The following MARK1 variants were observed in gnomAD, a reference collection of about 807,000 sequenced individuals.
MARK1 encodes microtubule affinity regulating kinase 1.
Under a neutral mutation model 96.3 loss-of-function variants are expected in MARK1, and 40 were observed. That is an observed-to-expected ratio of 0.42 (90% CI 0.32 to 0.54). The LOEUF (loss-of-function observed/expected upper bound fraction) is 0.54, where lower values mean the gene tolerates loss of function less well. Ranked by LOEUF, MARK1 falls within the 20% of genes least tolerant of loss-of-function variation. MARK1 has a pLI of 0.16. For missense variants in MARK1, 719 were observed against 984.6 expected, an observed-to-expected ratio of 0.73 and a Z score of 3.61; for synonymous variants, 317 against 341.2, an observed-to-expected ratio of 0.93 and a Z score of 0.78.
intron 1 of MARK1, among the ~76,000 whole-genome samples, chr1:220,554,161 T>C (rs1662078811): frequency 1.3e-5 from 2 of 152,198 alleles, no homozygotes; most frequent in South Asian, 4.1e-4. Context: ...TGAATTTATG[T>C]GGGATGTATA....
chr1:220,626,316 G>GACCCACAGACTGGGTCAAGAC, intron 9 of MARK1: 1 of 547,044 alleles, frequency 1.8e-6, no homozygotes, highest in Middle Eastern at 4.0e-4. Context: ...ACTGGGTCAT[G>GACCCACAGACTGGGTCAAGAC]ACTATGTCTT....
chr1:220,655,312 G>C (rs1378128308), intron 16 of MARK1, among the ~76,000 whole-genome samples: 1 of 152,084 alleles, frequency 6.6e-6, no homozygotes, highest in Non-Finnish European at 1.5e-5. Context: ...CGTCCTGTAT[G>C]AACAACTCCT....
intron 14 of MARK1, 91 bp downstream of exon 14, chr1:220,650,811 A>T (rs1168395368): frequency 6.1e-6 from 5 of 815,698 alleles, no homozygotes; most frequent in Non-Finnish European, 1.0e-5. Flanking sequence ...GGGTCAGGAG[A>T]AAAGCAGTTA....
In MARK1 at chr1:220,631,084, T is replaced by C. The variant is rs1256414656; in HGVS notation, c.959T>C (p.Leu320Pro). 6.2e-7 allele frequency: 1 copy of C among 1,613,190 alleles called. No individual in the cohort carries two copies. Among genetic ancestry groups the C allele is most frequent in the Non-Finnish European group, 8.5e-7 (1 of 1,179,376 alleles). The change falls in exon 10 of 18, where the codon CTA becomes CCA. Residue 320 changes from leucine (L) to proline (P), a missense_variant. Physicochemically the swap from Leu to Pro is moderately conservative, Grantham distance 98. Transcript: ENST00000366917. ...WMNVGHEEEELKPYTEPDPDF... is the reference protein window; with the variant it reads ...WMNVGHEEEEPKPYTEPDPDF... ...AATGTTGGTCATGAAGAGGAAGAAC[T>C]AAAGCCATATACTGAGCCTGATCCG...
intron 1 of MARK1, among the ~76,000 whole-genome samples, chr1:220,542,352 C>T (rs1051564873): frequency 2.6e-5 from 4 of 152,160 alleles, no homozygotes; most frequent in African/African-American, 9.7e-5. Context: ...TTGATATCTG[C>T]TAATTCTCAT....
chr1:220,597,492 T>C (rs1249722510), intron 3 of MARK1, among the ~76,000 whole-genome samples: 1 of 152,204 alleles, frequency 6.6e-6, no homozygotes, highest in Non-Finnish European at 1.5e-5. Flanking sequence ...ATTAATAATG[T>C]TCAACATCTT....
chr1:220,628,384 A>C (rs971495830), intron 9 of MARK1, among the ~76,000 whole-genome samples: 1 of 151,836 alleles, frequency 6.6e-6, no homozygotes, highest in African/African-American at 2.4e-5. Context: ...TTCCTCACCA[A>C]TCCATTTACT....
chr1:220,634,711 A>G (rs757755827), intron 11 of MARK1, among the ~76,000 whole-genome samples: 16 of 152,194 alleles, frequency 1.1e-4, no homozygotes, highest in Admixed American at 6.5e-4. Context: ...CAGTGATTCC[A>G]ACAAAAGTTT....
At chr1:220,615,321 T>G (rs1013138761) in intron 6 of MARK1, among the ~76,000 whole-genome samples, 42 of 152,288 alleles carry the variant, frequency 2.8e-4, no homozygotes, top group African/African-American at 9.9e-4. Flanking sequence ...TTCACCTGAC[T>G]GAATTAGTGA....
chr1:220,621,434 G>A (rs1667046815), intron 9 of MARK1, among the ~76,000 whole-genome samples: 1 of 152,058 alleles, frequency 6.6e-6, no homozygotes, highest in African/African-American at 2.4e-5. Flanking sequence ...GCTTTTGAAT[G>A]TACCTATTCT....
intron 1 of MARK1, among the ~76,000 whole-genome samples, chr1:220,549,531 A>G (rs1349552580): frequency 6.6e-6 from 1 of 152,242 alleles, no homozygotes; most frequent in Non-Finnish European, 1.5e-5. Context: ...ACCAAGAAAA[A>G]GTATTACATT....
At chr1:220,631,276 T>C (rs1667667263) in intron 10 of MARK1, 142 bp downstream of exon 10, 1 of 527,012 alleles carries the variant, frequency 1.9e-6, no homozygotes, top group Non-Finnish European at 3.4e-6. Context: ...AATGATAATA[T>C]GCTGAAAATT....
At chr1:220,609,418 T>A (rs1266948123) in intron 6 of MARK1, among the ~76,000 whole-genome samples, 2 of 152,188 alleles carry the variant, frequency 1.3e-5, no homozygotes, top group Non-Finnish European at 2.9e-5. Flanking sequence ...TAGATCTTCC[T>A]CCATCCCTTT....
intron 1 of MARK1, among the ~76,000 whole-genome samples, chr1:220,531,636 C>A (rs1298592599): frequency 6.6e-6 from 1 of 152,056 alleles, no homozygotes; most frequent in Non-Finnish European, 1.5e-5. Flanking sequence ...TATACTACTG[C>A]TATATATAGT....
intron 4 of MARK1, 101 bp from the exon 5 acceptor site, chr1:220,599,697 G>A (rs1169953123): frequency 1.8e-6 from 1 of 559,302 alleles, no homozygotes; most frequent in East Asian, 3.0e-5. Context: ...TGTTTAGCAA[G>A]TAGTCAAATT....
intron 11 of MARK1, among the ~76,000 whole-genome samples, chr1:220,633,465 T>C (rs1667781955): frequency 1.3e-5 from 2 of 152,216 alleles, no homozygotes; most frequent in South Asian, 4.1e-4. Context: ...TGACATATAT[T>C]GAACCTTTAT....
At chr1:220,576,828 A>G (rs577417060) in intron 1 of MARK1, 3 of 152,364 alleles carry the variant, frequency 2.0e-5, no homozygotes, top group African/African-American at 4.8e-5. Context: ...GACCATGGAC[A>G]AGTACTTAGA....
chr1:220,560,330 G>C (rs1662580525), intron 1 of MARK1, among the ~76,000 whole-genome samples: 2 of 152,182 alleles, frequency 1.3e-5, no homozygotes, highest in Non-Finnish European at 1.5e-5. Flanking sequence ...TACATATACT[G>C]TGCATGAATT....
rs1412240011 is a variant in MARK1, at chr1:220,663,457, T to G, written c.*1291T>G. 6.6e-6 allele frequency: 1 copy of G among 152,614 alleles called. No individual in the cohort carries two copies. Among genetic ancestry groups the G allele is most frequent in the Non-Finnish European group, 1.5e-5 (1 of 68,024 alleles). The allele number at this position is 152,614 out of a possible 1,614,324, so 9.5% of individuals were successfully genotyped here. A position where few individuals can be genotyped will look rare whatever the true frequency, so the allele number is the denominator to read the frequency against. ...TAAAGGTACATTTTAATACTTGTTA[T>G]TTTATACTGAATTAGCCTTGGAGGT... On this transcript the variant is annotated 3_prime_UTR_variant, in exon 18 of 18. Transcript: ENST00000366917.
Sources: gnomAD v4.1 joint callset for allele counts (sites outside exome capture counted in the v4.1 genomes callset) on GRCh38, gnomAD v4.1.1 for gene constraint, MANE v1.5 for transcripts, NCBI Gene and HGNC (gene_info 2026-07-23, HGNC 2026-07-21) for gene names.